ACRV1: variants seen among roughly 807,000 people sequenced by gnomAD.
ACRV1 encodes acrosomal protein SP-10.
In ACRV1, 17 loss-of-function variants were observed where a neutral mutation model predicts 29.2. That is an observed-to-expected ratio of 0.58 (90% confidence interval 0.40 to 0.87). The LOEUF (loss-of-function observed/expected upper bound fraction) is 0.87, where lower values mean the gene tolerates loss of function less well. Ranked by LOEUF, ACRV1 falls within the 40% of genes least tolerant of loss-of-function variation. The pLI, the probability that ACRV1 is intolerant of heterozygous loss-of-function variation, is 0.00. For missense variants in ACRV1, 294 were observed against 316.0 expected (o/e 0.93, Z 0.53); for synonymous variants, 98 against 111.6 (o/e 0.88, Z 0.77).
Position 125,677,866 on chromosome 11 carries a change from C to G in ACRV1, c.484G>C (p.Glu162Gln). ...GAAGCGTGCTCACCTGAAGGCTGTT[C>G]ACCCGAGGCCTGCTCACCAGAAGGC... is the stretch of plus-strand genomic sequence containing the variant. ...EQPSGEQASG[E>Q]QPSGEHASGE... is the part of the protein sequence containing the mutation. Residue 162 changes from glutamate (E) to glutamine (Q), a missense_variant, in exon 2 of 4, where the codon GAA becomes CAA. By Grantham distance (29) the Glu-to-Gln change is conservative. Transcript: ENST00000533904. 1.2e-6 allele frequency: 2 copies of G among 1,614,020 alleles called. No individual in the cohort carries two copies. Among genetic ancestry groups the G allele is most frequent in the Non-Finnish European group, 1.7e-6 (2 of 1,180,002 alleles).
At position 125,677,878 on chromosome 11, in the gene ACRV1, G is replaced by C. The variant is rs770525306; in HGVS notation, c.472C>G (p.Gln158Glu). Residue 158 changes from glutamine (Q) to glutamate (E), a missense_variant, in exon 2 of 4, where the codon CAG becomes GAG. Coordinates refer to ENST00000533904, the MANE Select transcript of ACRV1 (RefSeq NM_001612.6). ...HGSGEQPSGE[Q>E]ASGEQPSGEH... ...CCTGAAGGCTGTTCACCCGAGGCCTGCTCACCAGAAGGCTGTTCACCGGAG... is the reference window on the plus strand; with the variant it reads ...CCTGAAGGCTGTTCACCCGAGGCCTCCTCACCAGAAGGCTGTTCACCGGAG... 5 of 1,614,028 alleles carry C rather than the reference G, an allele frequency of 3.1e-6. No homozygotes were observed. The highest frequency in any genetic ancestry group is 3.4e-6 in the Non-Finnish European group (4 of 1,180,020).
At chr11:125,676,258 T>C (rs545729610) in intron 3 of ACRV1, 101 bp downstream of exon 3, 89 of 1,420,736 alleles carry the variant, frequency 6.3e-5, no homozygotes. Flanking sequence ...ATCTTCAAGT[T>C]CCTTGATTCT....
In ACRV1 at chr11:125,672,498, T is replaced by C. The variant is rs573500394; in HGVS notation, c.*95A>G. 1.9e-5 allele frequency: 28 copies of C among 1,465,220 alleles called. No homozygotes were observed. In the South Asian group the frequency reaches 3.3e-4, roughly 17 times the overall value. The allele number at this position is 1,465,220 out of a possible 1,614,324, so 90.8% of individuals were successfully genotyped here. A position where few individuals can be genotyped will look rare whatever the true frequency, so the allele number is the denominator to read the frequency against. On this transcript the variant is annotated 3_prime_UTR_variant, in exon 4 of 4. Coordinates refer to ENST00000533904, the MANE Select transcript of ACRV1 (RefSeq NM_001612.6). ...CTCAGGCAGAGGCAGATGTGGTCAG[T>C]TGTTGACTGGGGAAGGAACTAAATA...
intron 1 of ACRV1, among the ~76,000 whole-genome samples, chr11:125,680,064 A>G (rs557345471): frequency 6.6e-6 from 1 of 152,358 alleles, no homozygotes; most frequent in South Asian, 2.1e-4. Flanking sequence ...CTGTGTATCT[A>G]CATTTTTGAG....
rs1480201944 is a variant in ACRV1 at position 125,678,970 on chromosome 11, T to C, written c.53-673A>G. ...CTATTAAGGTAAAAAAAAAAAAGTC[T>C]AGGCATATTATATATATATATATAT... On this transcript the variant is annotated intron_variant, in intron 1 of 3. Transcript: ENST00000533904. Among the ~76,000 whole-genome samples the C allele has an allele frequency of 2.3e-4, 9 of 38,798 alleles. 1 individual carries two copies. Among genetic ancestry groups the C allele is most frequent in the Admixed American group, 1.3e-3 (4 of 2,966 alleles). 25.5% of individuals were successfully genotyped at this position (38,798 alleles called of 152,430 possible).
At chr11:125,678,675 G>A (rs770592866) in intron 1 of ACRV1, among the ~76,000 whole-genome samples, 3 of 152,014 alleles carry the variant, frequency 2.0e-5, no homozygotes, top group South Asian at 2.1e-4. Context: ...TCAGAAGTTC[G>A]CCACCAACCC....
In ACRV1 at chr11:125,674,024, G is replaced by A. The variant is rs114914221; in HGVS notation, c.674-1307C>T. Among the ~76,000 whole-genome samples, 980 of 152,104 alleles carry A rather than the reference G, an allele frequency of 6.4e-3. 7 individuals carry two copies. Among genetic ancestry groups the A allele is most frequent in the African/African-American group, 0.023 (934 of 41,488 alleles). ...AAATACAGAAATTAGCCAGGCAGGC[G>A]CTTGTGATCCCAGCTACTCAGGAGG... is the stretch of plus-strand genomic sequence containing the variant. On this transcript the variant is annotated intron_variant, in intron 3 of 3. Coordinates refer to ENST00000533904, the MANE Select transcript of ACRV1 (RefSeq NM_001612.6).
Position 125,677,874 on chromosome 11 carries a change from G to T in ACRV1, c.476C>A (p.Ala159Asp). The T allele has an allele frequency of 1.2e-6, 2 of 1,613,956 alleles. No individual in the cohort carries two copies. Among genetic ancestry groups the T allele is most frequent in the Non-Finnish European group, 1.7e-6 (2 of 1,179,998 alleles). ...CTCACCTGAAGGCTGTTCACCCGAG[G>T]CCTGCTCACCAGAAGGCTGTTCACC... ...GSGEQPSGEQASGEQPSGEHA... is the reference protein window; with the variant it reads ...GSGEQPSGEQDSGEQPSGEHA... The change falls in exon 2 of 4, where the codon GCC (alanine) becomes GAC (aspartate). Residue 159 changes from alanine (A) to aspartate (D), a missense_variant. Coordinates refer to ENST00000533904, the MANE Select transcript of ACRV1 (RefSeq NM_001612.6).
At chr11:125,679,060 T>C (rs1262286855) in intron 1 of ACRV1, among the ~76,000 whole-genome samples, 1 of 143,782 alleles carries the variant, frequency 7.0e-6, no homozygotes, top group African/African-American at 2.6e-5. Context: ...CTTCATGGAG[T>C]TGTCCTGAGT....
chr11:125,672,873 G>GCCCC (rs1468877770), intron 3 of ACRV1, among the ~76,000 whole-genome samples, 156 bp from the exon 4 acceptor site: 3 of 152,010 alleles, frequency 2.0e-5, no homozygotes, highest in Non-Finnish European at 4.4e-5. Flanking sequence ...CTGGGAACTT[G>GCCCC]CCCCCCATCA....
intron 3 of ACRV1, among the ~76,000 whole-genome samples, chr11:125,674,930 C>T (rs1437366344): frequency 6.6e-6 from 1 of 152,178 alleles, no homozygotes; most frequent in African/African-American, 2.4e-5. Context: ...AAACTCTTTG[C>T]TCTTTTTCCT....
At chr11:125,675,523 G>A (rs1447217974) in intron 3 of ACRV1, among the ~76,000 whole-genome samples, 5 of 152,218 alleles carry the variant, frequency 3.3e-5, no homozygotes, top group African/African-American at 7.2e-5. Context: ...TACAAGAGGA[G>A]TCAGGCAGTG....
intron 1 of ACRV1, among the ~76,000 whole-genome samples, chr11:125,680,094 CAA>C (rs1450286050): frequency 7.9e-5 from 12 of 152,222 alleles, no homozygotes; most frequent in African/African-American, 2.9e-4. Flanking sequence ...GAAGGTCTAA[CAA>C]AGCAAAAAGC....
At chr11:125,678,623 C>T (rs186558109) in intron 1 of ACRV1, among the ~76,000 whole-genome samples, 5 of 152,158 alleles carry the variant, frequency 3.3e-5, no homozygotes, top group African/African-American at 1.2e-4. Flanking sequence ...GCCTCCCTGA[C>T]AAAGTCAGCA....
chr11:125,678,978 T>TTATTTATATATATATATATATATATATA (rs1555078665), intron 1 of ACRV1, among the ~76,000 whole-genome samples: 2 of 88,444 alleles, frequency 2.3e-5, no homozygotes, highest in African/African-American at 4.3e-5. Context: ...TCTAGGCATA[T>TTATTTATATATATATATATATATATATA]TATATATATA....
intron 2 of ACRV1, 116 bp from the exon 3 acceptor site, chr11:125,676,594 T>G: frequency 7.7e-7 from 1 of 1,292,858 alleles, no homozygotes; most frequent in South Asian, 1.4e-5. Context: ...CATTTATTTC[T>G]TAGTTCTTTT....
In ACRV1 at chr11:125,680,814, G is replaced by A. The variant is rs372351446; in HGVS notation, c.-34C>T. 2.0e-5 allele frequency: 32 copies of A among 1,579,936 alleles called. No individual in the cohort carries two copies. The highest frequency in any genetic ancestry group is 3.3e-4 in the Middle Eastern group (2 of 6,014). Reference sequence around the variant, plus strand: ...AGGAAAAGAGGGGACCCCAGTGTGGGCCACAGCTTCTTCACAGAGCTATGA... The same window carrying A: ...AGGAAAAGAGGGGACCCCAGTGTGGACCACAGCTTCTTCACAGAGCTATGA... On this transcript the variant is annotated 5_prime_UTR_variant, in exon 1 of 4. Transcript: ENST00000533904.
intron 1 of ACRV1, among the ~76,000 whole-genome samples, chr11:125,679,455 T>G (rs1206039402): frequency 1.3e-5 from 2 of 152,254 alleles, no homozygotes; most frequent in East Asian, 3.9e-4. Flanking sequence ...TGACCTCAAG[T>G]GATCCGCCCG....
At chr11:125,673,953 G>T (rs927580262) in intron 3 of ACRV1, among the ~76,000 whole-genome samples, 21 of 152,152 alleles carry the variant, frequency 1.4e-4, no homozygotes, top group Non-Finnish European at 2.8e-4. Flanking sequence ...GAGGCCAGGA[G>T]TTCAAGACCA....
Sources: gnomAD v4.1 joint callset for allele counts (sites outside exome capture counted in the v4.1 genomes callset) on GRCh38, gnomAD v4.1.1 for gene constraint, MANE v1.5 for transcripts, NCBI Gene and HGNC (gene_info 2026-07-23, HGNC 2026-07-21) for gene names.